The following NOX4 variants were observed in gnomAD, a reference collection of about 807,000 sequenced individuals.
NOX4 encodes the protein kidney oxidase-1.
In NOX4, 69 loss-of-function variants were observed where a neutral mutation model predicts 87.6. The ratio of observed to expected loss-of-function variants is 0.79; its 90% CI spans 0.65 to 0.96. NOX4 has a LOEUF of 0.96. NOX4 is among the 40% of genes least tolerant of loss of function. NOX4 has a pLI of 0.00. For synonymous variants in NOX4, 275 were observed against 238.2 expected (o/e 1.15, Z -1.42); for missense variants, 680 against 681.5 (o/e 1.00, Z 0.02).
In NOX4 at chr11:89,489,669, A is replaced by G. The variant is rs973584104; in HGVS notation, c.153+789T>C. Among the ~76,000 whole-genome samples the G allele has an allele frequency of 4.0e-5, 6 of 150,424 alleles. No homozygotes were observed. The East Asian group carries it at 1.2e-3, about 30-fold the overall frequency. On this transcript the variant is annotated intron_variant, in intron 2 of 17. Coordinates refer to ENST00000263317, the MANE Select transcript of NOX4 (RefSeq NM_016931.5). Reference sequence around the variant, plus strand: ...CTTGAACCAGGCAATCAGAGGTTGCAGTGAGCTGAGATCACTCCACTGCAC... The same window carrying G: ...CTTGAACCAGGCAATCAGAGGTTGCGGTGAGCTGAGATCACTCCACTGCAC...
At chr11:89,363,091 G>A (rs183876447) in intron 12 of NOX4, among the ~76,000 whole-genome samples, 9 of 151,900 alleles carry the variant, frequency 5.9e-5, no homozygotes, top group South Asian at 2.1e-4. Flanking sequence ...AGATACAAAC[G>A]CTACAAGTAA....
intron 12 of NOX4, among the ~76,000 whole-genome samples, chr11:89,368,726 C>G (rs910131170): frequency 2.0e-5 from 3 of 152,080 alleles, no homozygotes; most frequent in African/African-American, 7.2e-5. Flanking sequence ...ACATTCACAC[C>G]ATGGGAATGA....
At chr11:89,352,362 T>TAAC (rs1946497643) in intron 13 of NOX4, among the ~76,000 whole-genome samples, 1 of 152,180 alleles carries the variant, frequency 6.6e-6, no homozygotes, top group South Asian at 2.1e-4. Context: ...GCAGGCCTGC[T>TAAC]AACATTACAT....
chr11:89,536,209 C>T, the NOX4 span, among the ~76,000 whole-genome samples: 2 of 136,476 alleles, frequency 1.5e-5, no homozygotes, highest in African/African-American at 5.6e-5. Context: ...TGCAGTGGCG[C>T]GATCTCGGCT....
At chr11:89,423,262 A>T (rs1943184796) in intron 7 of NOX4, among the ~76,000 whole-genome samples, 1 of 152,160 alleles carries the variant, frequency 6.6e-6, no homozygotes, top group Non-Finnish European at 1.5e-5. Context: ...AAAAACTCAG[A>T]CTAAATTTTG....
At chr11:89,337,243 G>T (rs1945755894) in intron 16 of NOX4, among the ~76,000 whole-genome samples, 1 of 151,984 alleles carries the variant, frequency 6.6e-6, no homozygotes, top group Non-Finnish European at 1.5e-5. Context: ...AGACTCAAAA[G>T]CTCCCTGTGA....
chr11:89,584,611 C>T, the NOX4 span, among the ~76,000 whole-genome samples: 2 of 152,188 alleles, frequency 1.3e-5, no homozygotes, highest in African/African-American at 4.8e-5. Flanking sequence ...CAACTTTAAG[C>T]AGGCTGTGGT....
intron 2 of NOX4, among the ~76,000 whole-genome samples, chr11:89,467,680 G>A (rs370182367): frequency 3.3e-5 from 5 of 152,096 alleles, no homozygotes; most frequent in Admixed American, 2.6e-4. Context: ...TAATCACCAA[G>A]TCACCCAAAG....
chr11:89,458,637 G>A (rs548671836), intron 2 of NOX4, among the ~76,000 whole-genome samples: 1 of 152,080 alleles, frequency 6.6e-6, no homozygotes, highest in South Asian at 2.1e-4. Context: ...TAAAAAGTGG[G>A]GTAAGAACAT....
intron 2 of NOX4, among the ~76,000 whole-genome samples, chr11:89,481,248 A>G (rs138744698): frequency 6.9e-4 from 105 of 152,060 alleles, no homozygotes; most frequent in African/African-American, 2.3e-3. Context: ...TTTAACATAT[A>G]TATGTTATAT....
intron 12 of NOX4, among the ~76,000 whole-genome samples, chr11:89,361,515 C>T (rs931510103): frequency 1.3e-5 from 2 of 152,000 alleles, no homozygotes; most frequent in African/African-American, 4.8e-5. Flanking sequence ...GTGTACATTG[C>T]TTGGGTGATG....
At chr11:89,361,566 A>G (rs1938528432) in intron 12 of NOX4, among the ~76,000 whole-genome samples, 1 of 152,090 alleles carries the variant, frequency 6.6e-6, no homozygotes, top group Non-Finnish European at 1.5e-5. Context: ...AAGAATTTAT[A>G]CATGGAACCA....
intron 11 of NOX4, among the ~76,000 whole-genome samples, chr11:89,391,074 G>C (rs138601476): frequency 0.019 from 2,940 of 152,154 alleles, 82 homozygotes; most frequent in East Asian, 0.13. Flanking sequence ...TATATATTAG[G>C]TGGTTTTTAC....
At chr11:89,407,443 T>G (rs939208386) in intron 8 of NOX4, among the ~76,000 whole-genome samples, 3 of 152,088 alleles carry the variant, frequency 2.0e-5, no homozygotes, top group African/African-American at 7.2e-5. Context: ...AGGAGAAATT[T>G]TGAAGTATCT....
intron 2 of NOX4, among the ~76,000 whole-genome samples, chr11:89,465,211 A>T (rs753362041): frequency 1.3e-5 from 2 of 151,862 alleles, no homozygotes; most frequent in Non-Finnish European, 2.9e-5. Flanking sequence ...TTCAACTCCC[A>T]TCTATGAGTG....
chr11:89,558,248 T>C, the NOX4 span, among the ~76,000 whole-genome samples: 1 of 152,158 alleles, frequency 6.6e-6, no homozygotes, highest in African/African-American at 2.4e-5. Context: ...CCTTAAACTT[T>C]AGTGGTGGTC....
chr11:89,478,190 C>T (rs1243944185), intron 2 of NOX4, among the ~76,000 whole-genome samples: 2 of 149,216 alleles, frequency 1.3e-5, no homozygotes, highest in African/African-American at 4.9e-5. Flanking sequence ...CTTTCCCTGC[C>T]CCTGTCCCCT....
chr11:89,518,132 A>G, the NOX4 span, among the ~76,000 whole-genome samples: 1 of 152,136 alleles, frequency 6.6e-6, no homozygotes, highest in Admixed American at 6.6e-5. Context: ...AAACATTGAC[A>G]TAAAAGTTGA....
At chr11:89,560,897 T>C in the NOX4 span, among the ~76,000 whole-genome samples, 2 of 149,132 alleles carry the variant, frequency 1.3e-5, no homozygotes, top group Non-Finnish European at 3.0e-5. Flanking sequence ...AGCATTTCAG[T>C]GTTTTCAGGT....
Sources: gnomAD v4.1 joint callset for allele counts (sites outside exome capture counted in the v4.1 genomes callset) on GRCh38, gnomAD v4.1.1 for gene constraint, MANE v1.5 for transcripts, NCBI Gene and HGNC (gene_info 2026-07-23, HGNC 2026-07-21) for gene names.